Variants in TCF4 observed in about 807,000 individuals in gnomAD.
The protein encoded by TCF4 is transcription factor 4.
TCF4 carries 3 observed loss-of-function variants against 82.1 expected under a neutral mutation model. The observed-to-expected ratio is 0.04, with a 90% CI of 0.02 to 0.09. TCF4 has a LOEUF of 0.09. Among genes scored for constraint, TCF4 ranks in the 10% least tolerant of loss-of-function variants. The pLI, the probability that TCF4 is intolerant of heterozygous loss-of-function variation, is 1.00. For synonymous variants in TCF4, 276 were observed against 309.6 expected (o/e 0.89, Z 1.14); for missense variants, 518 against 852.7 (o/e 0.61, Z 4.89).
intron 8 of TCF4, among the ~76,000 whole-genome samples, chr18:55,281,886 G>A (rs1337897112): frequency 1.3e-5 from 2 of 151,760 alleles, no homozygotes; most frequent in Non-Finnish European, 2.9e-5. Flanking sequence ...TTGGCTGCAT[G>A]GAGAAGAGTA....
intron 8 of TCF4, among the ~76,000 whole-genome samples, chr18:55,326,896 A>G (rs1283971726): frequency 6.6e-6 from 1 of 152,214 alleles, no homozygotes; most frequent in African/African-American, 2.4e-5. Flanking sequence ...CAAAGGATCC[A>G]TGTGTCATAT....
At position 55,534,587 on chromosome 18, in the gene TCF4, A is replaced by G. The variant is rs150318008; in HGVS notation, c.145+50693T>C. Among the ~76,000 whole-genome samples, 210 of 152,360 alleles carry G rather than the reference A, an allele frequency of 1.4e-3. 1 individual carries two copies. The highest frequency in any genetic ancestry group is 4.7e-3 in the African/African-American group (194 of 41,590). On this transcript the variant is annotated intron_variant, in intron 3 of 19. Coordinates refer to ENST00000354452, the MANE Select transcript of TCF4 (RefSeq NM_001083962.2). ...TTCACTGTTTTAGAGAATAAGACAC[A>G]GCAGAGTAGCGGCTGGGACTTAAAA...
chr18:55,460,871 A>G (rs1218464873), intron 5 of TCF4, 148 bp downstream of exon 5: 22 of 714,172 alleles, frequency 3.1e-5, no homozygotes, highest in Admixed American at 8.5e-5. Flanking sequence ...CAGACTGCCA[A>G]TCCTCTCTGC....
chr18:55,373,951 C>T (rs1424577859), intron 6 of TCF4, among the ~76,000 whole-genome samples: 1 of 151,404 alleles, frequency 6.6e-6, no homozygotes. Flanking sequence ...ATGCCATTTC[C>T]CCACTCAGAA....
At chr18:55,234,842 T>C (rs2048899053) in intron 15 of TCF4, among the ~76,000 whole-genome samples, 159 bp from the exon 16 acceptor site, 2 of 152,092 alleles carry the variant, frequency 1.3e-5, no homozygotes, top group African/African-American at 2.4e-5. Context: ...GCACCTATAG[T>C]TCCCGGCGAA....
chr18:55,486,360 G>A (rs1043865661), intron 3 of TCF4, among the ~76,000 whole-genome samples: 4 of 152,148 alleles, frequency 2.6e-5, no homozygotes, highest in Admixed American at 2.0e-4. Context: ...GGGAGGCTGA[G>A]GTGGGCAGAT....
intron 15 of TCF4, among the ~76,000 whole-genome samples, chr18:55,250,053 G>A (rs755079726): frequency 6.6e-6 from 1 of 152,282 alleles, no homozygotes; most frequent in East Asian, 1.9e-4. Flanking sequence ...ATCATACTTG[G>A]TAAGAGTTTC....
At chr18:55,460,013 A>G (rs2095843166) in intron 5 of TCF4, among the ~76,000 whole-genome samples, 1 of 152,204 alleles carries the variant, frequency 6.6e-6, no homozygotes. Flanking sequence ...AGAATGCCTG[A>G]GATTCAAGGA....
intron 5 of TCF4, among the ~76,000 whole-genome samples, chr18:55,431,387 C>A (rs1414190115): frequency 1.3e-5 from 2 of 152,206 alleles, no homozygotes; most frequent in East Asian, 3.8e-4. Context: ...TCAAGCAATT[C>A]TCTCGCCTCA....
At chr18:55,539,490 T>C (rs1387838038) in intron 3 of TCF4, among the ~76,000 whole-genome samples, 2 of 152,118 alleles carry the variant, frequency 1.3e-5, no homozygotes, top group African/African-American at 4.8e-5. Context: ...TCCTGAGAAA[T>C]TGGCAGAAAC....
At chr18:55,398,717 C>T (rs2093636185) in intron 6 of TCF4, among the ~76,000 whole-genome samples, 1 of 152,186 alleles carries the variant, frequency 6.6e-6, no homozygotes, top group African/African-American at 2.4e-5. Flanking sequence ...CTCAAAATGG[C>T]TTCCAAAAGT....
intron 8 of TCF4, among the ~76,000 whole-genome samples, chr18:55,327,292 A>G (rs980149219): frequency 1.4e-5 from 2 of 145,348 alleles, no homozygotes; most frequent in Non-Finnish European, 3.2e-5. Context: ...AAGTAAATCC[A>G]TATTACACCA....
chr18:55,515,903 C>T (rs767201466), intron 3 of TCF4, among the ~76,000 whole-genome samples: 6 of 152,030 alleles, frequency 3.9e-5, no homozygotes, highest in Non-Finnish European at 8.8e-5. Context: ...GCTGAAGAGT[C>T]AGGAGAGAAG....
chr18:55,468,885 C>CA lies in TCF4; in HGVS notation c.146-4749_146-4748insT, dbSNP rs1173185314. 9.3e-4 allele frequency among the ~76,000 whole-genome samples: 113 copies of CA among 120,998 alleles called. 1 individual carries two copies. The highest frequency in any genetic ancestry group is 3.3e-3 in the African/African-American group (106 of 32,554). The allele number at this position is 120,998 out of a possible 152,430, so 79.4% of individuals were successfully genotyped here. Reference sequence around the variant, plus strand: ...TGCTGAATCTATTTAGTTCTCGCCCCCCCCCCCCTTGTTCTATTGCCACCC... The same window carrying CA: ...TGCTGAATCTATTTAGTTCTCGCCCCACCCCCCCCTTGTTCTATTGCCACCC... On this transcript the variant is annotated intron_variant, in intron 3 of 19. Coordinates refer to ENST00000354452, the MANE Select transcript of TCF4 (RefSeq NM_001083962.2).
At chr18:55,466,603 T>C (rs920008154) in intron 3 of TCF4, among the ~76,000 whole-genome samples, 3 of 152,122 alleles carry the variant, frequency 2.0e-5, no homozygotes, top group African/African-American at 7.2e-5. Flanking sequence ...AGAAAAGATG[T>C]ATTAAAATTT....
chr18:55,545,434 G>T (rs1014395824), intron 3 of TCF4, among the ~76,000 whole-genome samples: 5 of 151,574 alleles, frequency 3.3e-5, no homozygotes, highest in African/African-American at 4.8e-5. Context: ...TTGGTCTGGG[G>T]TTTTTTTTGT....
At chr18:55,400,984 C>T (rs1603446693) in intron 6 of TCF4, 5 of 1,289,132 alleles carry the variant, frequency 3.9e-6, no homozygotes, top group Non-Finnish European at 5.1e-6. Context: ...AAAGCCTCCC[C>T]TCCACGAGTC....
chr18:55,563,322 T>C (rs1365202268), intron 3 of TCF4, among the ~76,000 whole-genome samples: 7 of 152,120 alleles, frequency 4.6e-5, no homozygotes. Flanking sequence ...TATTCCATTG[T>C]GTAACTTCAC....
intron 2 of TCF4, among the ~76,000 whole-genome samples, chr18:55,602,208 T>A (rs949314519): frequency 2.0e-5 from 3 of 152,226 alleles, no homozygotes; most frequent in African/African-American, 7.2e-5. Flanking sequence ...TTGAGGAAAC[T>A]GAGGCAGAGA....
Sources: gnomAD v4.1 joint callset for allele counts (sites outside exome capture counted in the v4.1 genomes callset) on GRCh38, gnomAD v4.1.1 for gene constraint, MANE v1.5 for transcripts, NCBI Gene and HGNC (gene_info 2026-07-23, HGNC 2026-07-21) for gene names.